Variants in OXR1 observed in about 807,000 individuals in gnomAD.
OXR1 encodes oxidation resistance protein 1.
OXR1 carries 41 observed loss-of-function variants against 104.6 expected under a neutral mutation model. The observed-to-expected ratio is 0.39, with a 90% CI of 0.31 to 0.51. The LOEUF (loss-of-function observed/expected upper bound fraction) is 0.51. OXR1 is among the 20% of genes least tolerant of loss of function. The pLI, the probability that OXR1 is intolerant of heterozygous loss-of-function variation, is 0.77. For synonymous variants in OXR1, 348 were observed against 348.4 expected (o/e 1.00, Z 0.01); for missense variants, 955 against 1,031.9 (o/e 0.93, Z 1.02).
intron 2 of OXR1, among the ~76,000 whole-genome samples, chr8:106,391,586 T>G (rs1817587710): frequency 6.6e-6 from 1 of 152,182 alleles, no homozygotes; most frequent in Non-Finnish European, 1.5e-5. Context: ...TCCCTTTAGT[T>G]TTTTTATATA....
chr8:106,362,059 C>A (rs966685084), intron 2 of OXR1, among the ~76,000 whole-genome samples: 5 of 152,124 alleles, frequency 3.3e-5, no homozygotes, highest in African/African-American at 1.2e-4. Flanking sequence ...GATCCACCTG[C>A]TAAACACAGA....
chr8:106,366,544 A>T (rs141848201), intron 2 of OXR1, among the ~76,000 whole-genome samples: 1 of 152,350 alleles, frequency 6.6e-6, no homozygotes, highest in African/African-American at 2.4e-5. Flanking sequence ...CTGTAAGTGT[A>T]TAAAATTATC....
intron 3 of OXR1, among the ~76,000 whole-genome samples, chr8:106,588,104 A>G (rs1190812290): frequency 6.6e-6 from 1 of 151,806 alleles, no homozygotes; most frequent in Non-Finnish European, 1.5e-5. Flanking sequence ...GGCACCCGCC[A>G]CCACGCCCGG....
At chr8:106,721,313 T>A (rs1832803330) in intron 11 of OXR1, among the ~76,000 whole-genome samples, 1 of 152,130 alleles carries the variant, frequency 6.6e-6, no homozygotes, top group South Asian at 2.1e-4. Context: ...ACTACAAACC[T>A]AATTAAAGTA....
At chr8:106,419,754 C>T (rs1006278360) in intron 2 of OXR1, among the ~76,000 whole-genome samples, 8 of 152,212 alleles carry the variant, frequency 5.3e-5, no homozygotes, top group Non-Finnish European at 7.4e-5. Context: ...TTTTCTTTGC[C>T]AGTCCCTCTG....
intron 2 of OXR1, among the ~76,000 whole-genome samples, chr8:106,511,274 C>A (rs908549041): frequency 6.6e-6 from 1 of 152,112 alleles, no homozygotes; most frequent in Non-Finnish European, 1.5e-5. Flanking sequence ...CATTTGCTCC[C>A]GAAAGCTTAT....
At chr8:106,518,409 C>T (rs925095691) in intron 2 of OXR1, among the ~76,000 whole-genome samples, 2 of 152,112 alleles carry the variant, frequency 1.3e-5, no homozygotes, top group African/African-American at 4.8e-5. Flanking sequence ...GGCCTTATGT[C>T]AGCTATCTAA....
At chr8:106,641,385 A>C (rs547549214) in intron 3 of OXR1, among the ~76,000 whole-genome samples, 1 of 152,234 alleles carries the variant, frequency 6.6e-6, no homozygotes, top group Non-Finnish European at 1.5e-5. Flanking sequence ...TCTGTAAATG[A>C]GATGGAGAAG....
chr8:106,513,914 A>T (rs1812698191), intron 2 of OXR1, among the ~76,000 whole-genome samples: 1 of 152,148 alleles, frequency 6.6e-6, no homozygotes, highest in African/African-American at 2.4e-5. Context: ...ATGCTGAAGG[A>T]AGGCATTGGA....
chr8:106,705,208 C>A lies in OXR1; in HGVS notation c.861-1174C>A, dbSNP rs139989378. Among the ~76,000 whole-genome samples the A allele has an allele frequency of 6.3e-3, 955 of 152,148 alleles. 13 individuals carry two copies. Among genetic ancestry groups the A allele is most frequent in the African/African-American group, 0.021 (869 of 41,510 alleles). On this transcript the variant is annotated intron_variant, in intron 8 of 16. Coordinates refer to ENST00000517566, the MANE Select transcript of OXR1 (RefSeq NM_001198533.2). ...CAGATAAAATTTCTCAAAACTTTTG[C>A]CCGGTTCCAACACCCTATAGATGCA...
intron 2 of OXR1, among the ~76,000 whole-genome samples, chr8:106,401,908 A>G (rs1434481680): frequency 6.6e-6 from 1 of 152,220 alleles, no homozygotes; most frequent in Admixed American, 6.5e-5. Context: ...AGATTCCTGC[A>G]AACTATGGTT....
intron 16 of OXR1, among the ~76,000 whole-genome samples, chr8:106,747,582 A>C (rs1835499534): frequency 6.6e-6 from 1 of 152,226 alleles, no homozygotes. Flanking sequence ...TTGCTCATAT[A>C]AAAATACACT....
chr8:106,362,672 A>G (rs769536186), intron 2 of OXR1, among the ~76,000 whole-genome samples: 9 of 152,180 alleles, frequency 5.9e-5, no homozygotes, highest in Non-Finnish European at 1.2e-4. Flanking sequence ...GATCAGAGAG[A>G]GACAATGAGT....
chr8:106,572,719 A>G (rs1194352370), intron 3 of OXR1, among the ~76,000 whole-genome samples: 1 of 152,146 alleles, frequency 6.6e-6, no homozygotes, highest in Non-Finnish European at 1.5e-5. Context: ...ATGTCTGTCT[A>G]AGACATCACT....
intron 11 of OXR1, among the ~76,000 whole-genome samples, chr8:106,722,617 CTG>C (rs1453480016): frequency 1.3e-5 from 2 of 152,266 alleles, no homozygotes; most frequent in South Asian, 2.1e-4. Context: ...ATCCTTATCA[CTG>C]TGTTACAGTC....
At chr8:106,665,258 T>C (rs147090415) in intron 3 of OXR1, among the ~76,000 whole-genome samples, 41 of 152,064 alleles carry the variant, frequency 2.7e-4, no homozygotes, top group African/African-American at 9.6e-4. Flanking sequence ...TTAAACACAC[T>C]AATTAAGCTA....
rs778802373 is a variant in OXR1, at chr8:106,518,928, C to T, written c.24-15C>T. 6.5e-7 allele frequency: 1 copy of T among 1,535,652 alleles called. No individual in the cohort carries two copies. Reference sequence around the variant, plus strand: ...AGAATCAGGATTCATAGCATGTGGTCTTCTTTACTTGTAGGCTGAAGAAAA... The same window carrying T: ...AGAATCAGGATTCATAGCATGTGGTTTTCTTTACTTGTAGGCTGAAGAAAA... On this transcript the variant is annotated splice_polypyrimidine_tract_variant and intron_variant, in intron 2 of 16. Transcript: ENST00000517566.
intron 15 of OXR1, among the ~76,000 whole-genome samples, chr8:106,745,413 A>C (rs1050242535): frequency 2.6e-5 from 4 of 152,204 alleles, no homozygotes; most frequent in Admixed American, 1.3e-4. Flanking sequence ...ATTAACATAC[A>C]TTTCTGTTTA....
chr8:106,518,638 A>G (rs899274386), intron 2 of OXR1, among the ~76,000 whole-genome samples: 2 of 152,332 alleles, frequency 1.3e-5, no homozygotes, highest in South Asian at 2.1e-4. Context: ...ACTAAATACT[A>G]TAGTCAAATA....
Sources: allele counts gnomAD v4.1 joint callset (sites outside exome capture counted in the v4.1 genomes callset), GRCh38; gene constraint gnomAD v4.1.1; transcripts MANE v1.5; gene names NCBI Gene and HGNC (gene_info 2026-07-23, HGNC 2026-07-21).